Variants in CRYBG1 observed in about 807,000 individuals in gnomAD.
The protein encoded by CRYBG1 is crystallin beta-gamma domain containing 1.
In CRYBG1, 139 loss-of-function variants were observed where a neutral mutation model predicts 189.2. The ratio of observed to expected loss-of-function variants is 0.73; its 90% confidence interval spans 0.64 to 0.85. CRYBG1 has a LOEUF of 0.85. CRYBG1 is among the 40% of genes least tolerant of loss of function. The probability of loss-of-function intolerance (pLI) is 0.00; values close to 1 mark genes in which losing one functional copy is unlikely to be tolerated. For synonymous variants in CRYBG1, 1,023 were observed against 1,017.1 expected, an observed-to-expected ratio of 1.01 and a Z score of -0.11; for missense variants, 2,611 against 2,675.8, an observed-to-expected ratio of 0.98 and a Z score of 0.53.
intron 2 of CRYBG1, among the ~76,000 whole-genome samples, chr6:106,483,356 TTGTG>T (rs367865745): frequency 1.4e-4 from 19 of 132,096 alleles, no homozygotes; most frequent in Non-Finnish European, 1.2e-4. Flanking sequence ...TAGTATTCCA[TTGTG>T]TGTGTGTGTG....
At chr6:106,544,257 A>G (rs1324258571) in intron 11 of CRYBG1, among the ~76,000 whole-genome samples, 3 of 152,180 alleles carry the variant, frequency 2.0e-5, no homozygotes, top group African/African-American at 4.8e-5. Flanking sequence ...TTTTGTTACT[A>G]TCTGAAGTGA....
chr6:106,368,305 AAGTTTG>A (rs1769940143), intron 1 of CRYBG1, among the ~76,000 whole-genome samples: 1 of 152,034 alleles, frequency 6.6e-6, no homozygotes, highest in Non-Finnish European at 1.5e-5. Context: ...ATCTGTCTTA[AAGTTTG>A]AGTTCAGCTA....
intron 2 of CRYBG1, among the ~76,000 whole-genome samples, chr6:106,455,720 A>G (rs988014009): frequency 1.2e-4 from 18 of 152,206 alleles, no homozygotes; most frequent in Non-Finnish European, 2.6e-4. Context: ...TCAAACAAGT[A>G]AAATGGAATA....
At chr6:106,418,116 T>A (rs1213977005) in intron 1 of CRYBG1, among the ~76,000 whole-genome samples, 1 of 152,210 alleles carries the variant, frequency 6.6e-6, no homozygotes, top group East Asian at 1.9e-4. Flanking sequence ...AGAAGTTTCA[T>A]CTAGTGACAA....
intron 1 of CRYBG1, among the ~76,000 whole-genome samples, chr6:106,369,497 T>G (rs1004286229): frequency 6.6e-6 from 1 of 152,230 alleles, no homozygotes; most frequent in Admixed American, 6.5e-5. Flanking sequence ...GGCCAACAGT[T>G]ACATAAAGTC....
intron 2 of CRYBG1, among the ~76,000 whole-genome samples, chr6:106,465,760 C>T (rs1772103069): frequency 6.6e-6 from 1 of 152,136 alleles, no homozygotes; most frequent in African/African-American, 2.4e-5. Context: ...TTATCATTAA[C>T]TTGTTATTTA....
chr6:106,528,514 G>A (rs1370373947), intron 7 of CRYBG1, among the ~76,000 whole-genome samples: 1 of 152,034 alleles, frequency 6.6e-6, no homozygotes, highest in Non-Finnish European at 1.5e-5. Context: ...CATAATACAG[G>A]TACAATGCTG....
At chr6:106,373,663 G>A (rs1187999306) in intron 1 of CRYBG1, among the ~76,000 whole-genome samples, 2 of 152,126 alleles carry the variant, frequency 1.3e-5, no homozygotes, top group Non-Finnish European at 2.9e-5. Context: ...TATACACAGA[G>A]CTAACTTCTA....
At chr6:106,539,591 A>C (rs1455903844) in intron 9 of CRYBG1, 62 bp downstream of exon 9, 55 of 1,551,448 alleles carry the variant, frequency 3.5e-5, no homozygotes, top group Non-Finnish European at 4.4e-5. Flanking sequence ...GGTAATTCAC[A>C]GGGTGTGACT....
chr6:106,555,664 C>A, intron 16 of CRYBG1, 104 bp from the exon 17 acceptor site: 1 of 1,328,822 alleles, frequency 7.5e-7, no homozygotes, highest in African/African-American at 1.5e-5. Flanking sequence ...TTGCCAGAAG[C>A]ATTGTGTTTA....
At chr6:106,555,013 A>C (rs1774499337) in intron 16 of CRYBG1, among the ~76,000 whole-genome samples, 1 of 151,890 alleles carries the variant, frequency 6.6e-6, no homozygotes, top group Non-Finnish European at 1.5e-5. Context: ...AAAAATACAA[A>C]AATTAGCCAG....
At chr6:106,503,967 A>G (rs1773066954) in intron 2 of CRYBG1, among the ~76,000 whole-genome samples, 1 of 147,442 alleles carries the variant, frequency 6.8e-6, no homozygotes, top group Non-Finnish European at 1.5e-5. Flanking sequence ...TTCACCCAAT[A>G]GTATACCTTT....
intron 13 of CRYBG1, 142 bp downstream of exon 13, chr6:106,545,075 C>A: frequency 1.5e-6 from 1 of 683,678 alleles, no homozygotes; most frequent in Non-Finnish European, 2.3e-6. Context: ...TTAATAGTTG[C>A]TGTCATGATA....
chr6:106,402,274 CT>C (rs2114356487), intron 1 of CRYBG1, among the ~76,000 whole-genome samples: 1 of 96,342 alleles, frequency 1.0e-5, no homozygotes, highest in Admixed American at 1.3e-4. Context: ...CAATGACTTT[CT>C]TCACAGAATT....
At chr6:106,468,938 C>CT (rs1772166998) in intron 2 of CRYBG1, among the ~76,000 whole-genome samples, 1 of 152,166 alleles carries the variant, frequency 6.6e-6, no homozygotes. Context: ...ATCTTTTTAT[C>CT]TTTTTACAGG....
At chr6:106,497,862 G>A (rs570216749) in intron 2 of CRYBG1, among the ~76,000 whole-genome samples, 165 of 152,282 alleles carry the variant, frequency 1.1e-3, no homozygotes, top group African/African-American at 3.9e-3. Context: ...AGGCCGAGGT[G>A]GGCAGATTGC....
chr6:106,533,383 T>C (rs2353048), intron 8 of CRYBG1, among the ~76,000 whole-genome samples: 103,988 of 152,040 alleles, frequency 0.68, 36,303 homozygotes, highest in South Asian at 0.84. Flanking sequence ...TTTCACGCCT[T>C]GGGGAGGAGG....
At chr6:106,405,520 G>C (rs968649626) in intron 1 of CRYBG1, among the ~76,000 whole-genome samples, 19 of 152,350 alleles carry the variant, frequency 1.2e-4, no homozygotes, top group Middle Eastern at 3.4e-3. Flanking sequence ...TCCTATCACA[G>C]TGCTCAAGCT....
chr6:106,479,501 G>A (rs1157473673), intron 2 of CRYBG1, among the ~76,000 whole-genome samples: 2 of 152,158 alleles, frequency 1.3e-5, no homozygotes, highest in African/African-American at 2.4e-5. Flanking sequence ...TTGAGAAATG[G>A]CCAAACTGTT....
Sources: gnomAD v4.1 joint callset for allele counts (sites outside exome capture counted in the v4.1 genomes callset) on GRCh38, gnomAD v4.1.1 for gene constraint, MANE v1.5 for transcripts, NCBI Gene and HGNC (gene_info 2026-07-23, HGNC 2026-07-21) for gene names.